The following CLCN6 variants were observed in gnomAD, a reference collection of about 807,000 sequenced individuals.
The protein encoded by CLCN6 is Cl-/H+ antiporter 6.
A neutral mutation model predicts 109.8 loss-of-function variants in CLCN6; 70 were observed. That is an observed-to-expected ratio of 0.64 (90% CI 0.53 to 0.78). The LOEUF is 0.78. Ranked by LOEUF, CLCN6 falls within the 30% of genes least tolerant of loss-of-function variation. CLCN6 has a pLI of 0.00. For missense variants in CLCN6, 984 were observed against 1,142.3 expected (o/e 0.86, Z 2.00); for synonymous variants, 444 against 447.8 (o/e 0.99, Z 0.11).
intron 20 of CLCN6, 102 bp from the exon 21 acceptor site, chr1:11,838,233 G>A: frequency 1.9e-6 from 2 of 1,045,292 alleles, no homozygotes; most frequent in South Asian, 1.3e-5. Flanking sequence ...TGCCTCAGCA[G>A]CCTGGAGCTG....
At position 11,826,174 on chromosome 1, in the gene CLCN6, C is replaced by T. The variant is rs376721923; in HGVS notation, c.667C>T (p.Arg223Trp). 9 of 1,613,558 alleles carry T rather than the reference C, an allele frequency of 5.6e-6. No homozygotes were observed. The highest frequency in any genetic ancestry group is 4.0e-5 in the African/African-American group (3 of 74,862). ...GCTTTAGTTTCAGAGCATCTCCTTA[C>T]GGAAGATCCAGTTTAACTTCCCCTA... Reference protein sequence around the residue: ...GLPQFQSISLRKIQFNFPYFR... With the variant: ...GLPQFQSISLWKIQFNFPYFR... The change falls in exon 9 of 23, where the codon CGG becomes TGG. Residue 223 changes from arginine (R) to tryptophan (W), a missense_variant. By Grantham distance (101) the Arg-to-Trp change is moderately radical. Coordinates refer to ENST00000346436, the MANE Select transcript of CLCN6 (RefSeq NM_001286.5).
chr1:11,834,036 C>T lies in CLCN6; in HGVS notation c.1526+6C>T, dbSNP rs565308889. 1 of 1,613,774 alleles carries T rather than the reference C, an allele frequency of 6.2e-7. No homozygotes were observed. The highest frequency in any genetic ancestry group is 1.3e-5 in the African/African-American group (1 of 75,008). ...GTTGCCAATGTCCTAAAAAGGTACTCTGTGTGTGTGCGTGTGTGTGCGCAT... is the reference window on the plus strand; with the variant it reads ...GTTGCCAATGTCCTAAAAAGGTACTTTGTGTGTGTGCGTGTGTGTGCGCAT... On this transcript the variant is annotated splice_donor_region_variant and intron_variant, in intron 15 of 22. Coordinates refer to ENST00000346436, the MANE Select transcript of CLCN6 (RefSeq NM_001286.5). This position sits in a 1 kb window ranked among gnomAD's most constrained non-coding sequence, Gnocchi z 4.5.
intron 2 of CLCN6, among the ~76,000 whole-genome samples, chr1:11,812,653 A>G (rs934163738): frequency 7.1e-6 from 1 of 141,384 alleles, no homozygotes; most frequent in African/African-American, 2.6e-5. Flanking sequence ...AAAAAAAAAG[A>G]CAAAGTATGT....
chr1:11,812,664 TTGTGTGTGTGTGTGTGTGTGTG>T (rs61487985), intron 2 of CLCN6, among the ~76,000 whole-genome samples: 3 of 127,020 alleles, frequency 2.4e-5, no homozygotes, highest in Non-Finnish European at 3.2e-5. Flanking sequence ...CAAAGTATGT[TTGTGTGTGTGTGTGTGTGTGTG>T]TGTGTGTGTG....
chr1:11,842,927 C>T lies in CLCN6; in HGVS notation c.*2704C>T, dbSNP rs1397167735. On this transcript the variant is annotated 3_prime_UTR_variant, in exon 23 of 23. Transcript: ENST00000346436. Reference sequence around the variant, plus strand: ...AGTATTGATGTGCAGTATTGCACCACAGCTCTGCGGACCTTGGCCATTGCC... The same window carrying T: ...AGTATTGATGTGCAGTATTGCACCATAGCTCTGCGGACCTTGGCCATTGCC... 1.3e-5 allele frequency: 2 copies of T among 152,298 alleles called. No individual in the cohort carries two copies. The highest frequency in any genetic ancestry group is 2.9e-5 in the Non-Finnish European group (2 of 68,062). The allele number at this position is 152,298 out of a possible 1,614,324, so 9.4% of individuals were successfully genotyped here.
In CLCN6 at chr1:11,806,351, TA is replaced by T; in HGVS notation, c.87+4del. On this transcript the variant is annotated splice_donor_region_variant and intron_variant, in intron 1 of 22. Transcript: ENST00000346436. ...GAGACCCGCACCCCCGAGGAGCTGGTAAGAAGCCGGCGGAGTCGGCCTGGGG... is the reference window on the plus strand; with the variant it reads ...GAGACCCGCACCCCCGAGGAGCTGGTAGAAGCCGGCGGAGTCGGCCTGGGG... 1 of 1,514,724 alleles carries T rather than the reference TA, an allele frequency of 6.6e-7. No individual in the cohort carries two copies. Among genetic ancestry groups the T allele is most frequent in the Non-Finnish European group, 8.7e-7 (1 of 1,143,256 alleles). The allele number at this position is 1,514,724 out of a possible 1,614,324, so 93.8% of individuals were successfully genotyped here. A position where few individuals can be genotyped will look rare whatever the true frequency, so the allele number is the denominator to read the frequency against.
chr1:11,840,279 G>A lies in CLCN6; in HGVS notation c.*56G>A, dbSNP rs532785338. 37 of 1,448,970 alleles carry A rather than the reference G, an allele frequency of 2.6e-5. 2 individuals carry two copies. The highest frequency in any genetic ancestry group is 1.8e-4 in the South Asian group (16 of 88,030). 89.8% of individuals were successfully genotyped at this position (1,448,970 alleles called of 1,614,324 possible). A position where few individuals can be genotyped will look rare whatever the true frequency, so the allele number is the denominator to read the frequency against. On this transcript the variant is annotated 3_prime_UTR_variant, in exon 23 of 23. Coordinates refer to ENST00000346436, the MANE Select transcript of CLCN6 (RefSeq NM_001286.5). ...TGGGGAGGCAAATCATGCTCACTCC[G>A]GCGGGCACAGCTGGCTGGGGCTGTT...
chr1:11,811,977 C>T (rs546920325), intron 2 of CLCN6, among the ~76,000 whole-genome samples: 27 of 152,076 alleles, frequency 1.8e-4, no homozygotes, highest in Non-Finnish European at 3.4e-4. Flanking sequence ...CTGCTAACAC[C>T]GATATGTGGA....
intron 14 of CLCN6, 52 bp downstream of exon 14, chr1:11,833,690 A>T (rs752206705): frequency 1.2e-6 from 2 of 1,608,418 alleles, no homozygotes; most frequent in African/African-American, 2.7e-5. Context: ...CATCTCGGAC[A>T]CAGCCAGGCT....
chr1:11,829,982 G>T lies in CLCN6; in HGVS notation c.1248+660G>T, dbSNP rs1011937303. ...GTGACTATGACAGTCACTCTTGAGAGGAAGAAATATCTGTGTCAGGGCAAG... is the reference window on the plus strand; with the variant it reads ...GTGACTATGACAGTCACTCTTGAGATGAAGAAATATCTGTGTCAGGGCAAG... On this transcript the variant is annotated intron_variant, in intron 13 of 22. Coordinates refer to ENST00000346436, the MANE Select transcript of CLCN6 (RefSeq NM_001286.5). 3 of 152,588 alleles carry T rather than the reference G, an allele frequency of 2.0e-5. No individual in the cohort carries two copies. The East Asian group carries it at 5.8e-4, about 29-fold the overall frequency. The allele number at this position is 152,588 out of a possible 1,614,324, so 9.5% of individuals were successfully genotyped here. A position where few individuals can be genotyped will look rare whatever the true frequency, so the allele number is the denominator to read the frequency against.
At chr1:11,818,823 C>G (rs1004755736) in intron 4 of CLCN6, among the ~76,000 whole-genome samples, 7 of 152,170 alleles carry the variant, frequency 4.6e-5, no homozygotes, top group Non-Finnish European at 1.5e-5. Context: ...GTAATCCCAG[C>G]TACCTGGGAG....
chr1:11,822,846 TC>T (rs751089249), intron 6 of CLCN6, 45 bp downstream of exon 6: 1 of 1,195,922 alleles, frequency 8.4e-7, no homozygotes, highest in East Asian at 2.3e-5. Flanking sequence ...GGTTTTAGAG[TC>T]CCGCACTCCT....
intron 2 of CLCN6, among the ~76,000 whole-genome samples, chr1:11,812,664 TTGTGTGTGTGTGTGTGTGTGTGTG>T (rs61487985): frequency 4.7e-5 from 6 of 127,020 alleles, no homozygotes; most frequent in African/African-American, 1.6e-4. Context: ...CAAAGTATGT[TTGTGTGTGTGTGTGTGTGTGTGTG>T]TGTGTGTGTG....
rs953260141 is a variant in CLCN6 at position 11,819,525 on chromosome 1, C to A, written c.317C>A (p.Thr106Asn). The A allele has an allele frequency of 2.5e-6, 4 of 1,614,084 alleles. No homozygotes were observed. The highest frequency in any genetic ancestry group is 3.4e-6 in the Non-Finnish European group (4 of 1,180,052). Residue 106 changes from threonine (T) to asparagine (N), a missense_variant, in exon 5 of 23, where the codon ACC becomes AAC. Transcript: ENST00000346436. ...GTGGACTTTTTTGTGCGACTCTTCACCCAACTCAAGTTCGGAGTGGTACAG... is the reference window on the plus strand; with the variant it reads ...GTGGACTTTTTTGTGCGACTCTTCAACCAACTCAAGTTCGGAGTGGTACAG... ...LFVDFFVRLF[T>N]QLKFGVVQTS...
chr1:11,826,257 T>C (rs1247182666), intron 9 of CLCN6, 43 bp downstream of exon 9: 4 of 1,494,900 alleles, frequency 2.7e-6, no homozygotes, highest in South Asian at 1.1e-5. Flanking sequence ...GGAAACAACA[T>C]GTTCATGCGC....
In CLCN6 at chr1:11,840,646, G is replaced by A; in HGVS notation, c.*423G>A. On this transcript the variant is annotated 3_prime_UTR_variant, in exon 23 of 23. Coordinates refer to ENST00000346436, the MANE Select transcript of CLCN6 (RefSeq NM_001286.5). The stretch of plus-strand genomic sequence containing the variant: ...GGACTTGGCCAAGGCAAAAGCTGGG[G>A]AGATGCCAGTGACAACATACAGTTC... The A allele has an allele frequency of 3.8e-6, 1 of 265,784 alleles. No individual in the cohort carries two copies. Among genetic ancestry groups the A allele is most frequent in the South Asian group, 4.7e-5 (1 of 21,152 alleles). 16.5% of individuals were successfully genotyped at this position (265,784 alleles called of 1,614,324 possible).
At chr1:11,828,055 G>A (rs1644834937) in intron 10 of CLCN6, 51 bp from the exon 11 acceptor site, 1 of 1,355,054 alleles carries the variant, frequency 7.4e-7, no homozygotes, top group Non-Finnish European at 1.1e-6. Context: ...TTGGGAGAGA[G>A]TAGGACATGC....
rs777164079 is a variant in CLCN6, at chr1:11,838,417, C to G, written c.2378C>G (p.Thr793Arg). ...RYPDIHDLDL[T>R]LLNPRMIVDV... is the part of the protein sequence containing the mutation. ...CCCGACATCCACGACCTGGACCTGA[C>G]GCTGCTCAACCCGCGCATGATCGTG... Residue 793 changes from threonine to arginine, a missense_variant, in exon 21 of 23, where the codon ACG becomes AGG. Physicochemically the swap from Thr to Arg is moderately conservative, Grantham distance 71 (BLOSUM62 -1). Transcript: ENST00000346436. The G allele has an allele frequency of 1.2e-5, 19 of 1,614,038 alleles. No homozygotes were observed. In the Admixed American group the frequency reaches 2.7e-4, roughly 23 times the overall value.
intron 5 of CLCN6, chr1:11,820,351 C>T (rs1475150934): frequency 1.4e-6 from 1 of 715,536 alleles, no homozygotes; most frequent in Non-Finnish European, 2.6e-6. Context: ...CTATTTCATA[C>T]TATAAATAAG....
Sources: allele counts gnomAD v4.1 joint callset (sites outside exome capture counted in the v4.1 genomes callset), GRCh38; gene constraint gnomAD v4.1.1; non-coding constraint Gnocchi (gnomAD v3.1); transcripts MANE v1.5; gene names NCBI Gene and HGNC (gene_info 2026-07-23, HGNC 2026-07-21).